SLC67A1: variants seen among roughly 807,000 people sequenced by gnomAD.
SLC67A1 encodes the protein solute carrier family 67 member A1.
chr11:2,922,868 G>A, the SLC67A1 span, among the ~76,000 whole-genome samples: 1 of 152,122 alleles, frequency 6.6e-6, no homozygotes, highest in African/African-American at 2.4e-5. Flanking sequence ...GACTTTGCCT[G>A]CCAGGCCTGG....
the SLC67A1 span, chr11:2,919,587 G>T: frequency 3.4e-6 from 2 of 593,266 alleles, no homozygotes; most frequent in South Asian, 4.2e-5. Flanking sequence ...AACTGCAGTG[G>T]TGGGCACGCT....
chr11:2,899,907 C>G, the SLC67A1 span: 33 of 560,492 alleles, frequency 5.9e-5, no homozygotes, highest in Admixed American at 7.4e-4. Context: ...CTCCTCCTGC[C>G]GCTTCATCCT....
chr11:2,907,914 A>G, the SLC67A1 span, among the ~76,000 whole-genome samples: 1 of 152,134 alleles, frequency 6.6e-6, no homozygotes, highest in Non-Finnish European at 1.5e-5. This position sits in a 1 kb window ranked among gnomAD's most constrained non-coding sequence, Gnocchi z 6.7. Flanking sequence ...GTCCCCCACA[A>G]AGTTTTGAAT....
chr11:2,915,296 T>TGTGTGC, the SLC67A1 span: 935 of 905,100 alleles, frequency 1.0e-3, 5 homozygotes, highest in African/African-American at 0.016. Flanking sequence ...TGTGTGTGTG[T>TGTGTGC]GCGCATGTGG....
chr11:2,917,025 T>G, the SLC67A1 span: 1 of 429,570 alleles, frequency 2.3e-6, no homozygotes, highest in South Asian at 3.6e-5. Flanking sequence ...ACAGGGAAGG[T>G]GCTAGGAGGG....
At chr11:2,909,854 G>GC in the SLC67A1 span, 5 of 942,572 alleles carry the variant, frequency 5.3e-6, no homozygotes, top group African/African-American at 5.3e-5. Flanking sequence ...GGGACGTCTG[G>GC]CCCCGCGCGA....
At chr11:2,908,703 A>G in the SLC67A1 span, among the ~76,000 whole-genome samples, 1 of 152,162 alleles carries the variant, frequency 6.6e-6, no homozygotes, top group South Asian at 2.1e-4. Flanking sequence ...ACATCCTCCC[A>G]CAAGCCACAG....
At chr11:2,921,777 C>T in the SLC67A1 span, 1 of 199,144 alleles carries the variant, frequency 5.0e-6, no homozygotes, top group African/African-American at 2.8e-5. Flanking sequence ...GAGCCTGTCC[C>T]ACCGAGCCCA....
chr11:2,909,056 C>G, the SLC67A1 span: 4 of 739,458 alleles, frequency 5.4e-6, no homozygotes, highest in Non-Finnish European at 6.2e-6. Context: ...GGCCTCCCAG[C>G]AGCCGCCCAG....
chr11:2,914,726 C>T, the SLC67A1 span: 7 of 985,300 alleles, frequency 7.1e-6, no homozygotes, highest in African/African-American at 1.7e-5. Context: ...CGAAGTGGTG[C>T]GTCTGCTCCT....
At chr11:2,903,568 CAG>C in the SLC67A1 span, 5 of 1,533,366 alleles carry the variant, frequency 3.3e-6, no homozygotes, top group Admixed American at 1.7e-5. Context: ...TGGGCCGTCG[CAG>C]AGAGTGGGGG....
chr11:2,902,656 A>G, the SLC67A1 span: 5 of 982,562 alleles, frequency 5.1e-6, no homozygotes, highest in Admixed American at 1.2e-4. Flanking sequence ...CGCAAAATCC[A>G]GTTCCCACCA....
chr11:2,901,797 G>A, the SLC67A1 span, among the ~76,000 whole-genome samples: 1 of 152,182 alleles, frequency 6.6e-6, no homozygotes, highest in Non-Finnish European at 1.5e-5. Context: ...ACTCTTCTGG[G>A]GCTCTGTGCA....
chr11:2,923,728 C>T, the SLC67A1 span, among the ~76,000 whole-genome samples: 6 of 152,174 alleles, frequency 3.9e-5, no homozygotes, highest in East Asian at 1.9e-4. This position sits in a 1 kb window ranked among gnomAD's most constrained non-coding sequence, Gnocchi z 6.5. Flanking sequence ...GATGAGGACC[C>T]GGCCTGGCTG....
chr11:2,902,510 G>C, the SLC67A1 span: 2 of 899,420 alleles, frequency 2.2e-6, no homozygotes, highest in African/African-American at 3.6e-5. Flanking sequence ...TCCCGGGATG[G>C]GGGAGGGCGC....
chr11:2,916,788 G>A, the SLC67A1 span: 3 of 1,540,466 alleles, frequency 1.9e-6, no homozygotes, highest in South Asian at 1.1e-5. Flanking sequence ...GCAATGGAAG[G>A]CATTGGCTAG....
chr11:2,924,958 C>A, the SLC67A1 span: 1 of 1,512,464 alleles, frequency 6.6e-7, no homozygotes, highest in Non-Finnish European at 9.0e-7. This position sits in a 1 kb window ranked among gnomAD's most constrained non-coding sequence, Gnocchi z 8.6. Context: ...AGGAAGTGGG[C>A]AGTTGGCCCA....
the SLC67A1 span, chr11:2,909,485 C>G: frequency 1.0e-3 from 1,278 of 1,274,884 alleles, 2 homozygotes; most frequent in Non-Finnish European, 1.2e-3. Context: ...GGGTGGGGGG[C>G]GACGTGGGGC....
chr11:2,905,769 A>G, the SLC67A1 span, among the ~76,000 whole-genome samples: 1 of 152,198 alleles, frequency 6.6e-6, no homozygotes, highest in Non-Finnish European at 1.5e-5. Flanking sequence ...AATATGTGGG[A>G]GTAGCTGTAG....
Sources: allele counts gnomAD v4.1 joint callset (sites outside exome capture counted in the v4.1 genomes callset), GRCh38; gene constraint gnomAD v4.1.1; non-coding constraint Gnocchi (gnomAD v3.1); transcripts MANE v1.5; gene names NCBI Gene and HGNC (gene_info 2026-07-23, HGNC 2026-07-21).